ASCC3: variants seen among roughly 807,000 people sequenced by gnomAD.
ASCC3 encodes the protein ASC-1 complex subunit P200.
ASCC3 carries 158 observed loss-of-function variants against 256.3 expected under a neutral mutation model. That is an observed-to-expected ratio of 0.62 (90% confidence interval 0.54 to 0.70). The LOEUF (loss-of-function observed/expected upper bound fraction) is 0.70, where lower values mean the gene tolerates loss of function less well. Among genes scored for constraint, ASCC3 ranks in the 30% least tolerant of loss-of-function variants. The pLI, the probability that ASCC3 is intolerant of heterozygous loss-of-function variation, is 0.00. For synonymous variants in ASCC3, 948 were observed against 883.4 expected, an observed-to-expected ratio of 1.07 and a Z score of -1.30; for missense variants, 2,259 against 2,626.0, an observed-to-expected ratio of 0.86 and a Z score of 3.05.
intron 36 of ASCC3, among the ~76,000 whole-genome samples, chr6:100,571,845 C>T (rs1770606923): frequency 6.6e-6 from 1 of 152,134 alleles, no homozygotes; most frequent in Non-Finnish European, 1.5e-5. Flanking sequence ...TTCTTCACAG[C>T]AGGTTTGTTT....
rs186471649 is a variant in ASCC3, at chr6:100,620,669, C to T, written c.4785+4523G>A. On this transcript the variant is annotated intron_variant, in intron 30 of 41. Transcript: ENST00000369162. ...GCCAGACACACTGCTTCATAGTTGC[C>T]GGGATAACTGCTGCTGTGCTTCCTC... 1.2e-3 allele frequency among the ~76,000 whole-genome samples: 178 copies of T among 152,142 alleles called. 1 individual carries two copies. The highest frequency in any genetic ancestry group is 4.0e-3 in the African/African-American group (166 of 41,522).
intron 12 of ASCC3, among the ~76,000 whole-genome samples, chr6:100,717,245 GT>G (rs1779128442): frequency 6.6e-6 from 1 of 151,810 alleles, no homozygotes. Context: ...ATAGTACAAG[GT>G]AAAAATGGCT....
intron 24 of ASCC3, among the ~76,000 whole-genome samples, chr6:100,639,806 TAAATTTTCTGAA>T (rs1775025117): frequency 6.6e-6 from 1 of 152,164 alleles, no homozygotes; most frequent in African/African-American, 2.4e-5. Context: ...GTAGGTTTCT[TAAATTTTCTGAA>T]GCACTGAAAA....
At chr6:100,832,000 C>T (rs1477987292) in intron 4 of ASCC3, among the ~76,000 whole-genome samples, 2 of 151,804 alleles carry the variant, frequency 1.3e-5, no homozygotes, top group Non-Finnish European at 2.9e-5. Context: ...GAATTCACCT[C>T]GAATGCAAGA....
At chr6:100,781,202 C>T (rs531871982) in intron 8 of ASCC3, among the ~76,000 whole-genome samples, 192 of 152,148 alleles carry the variant, frequency 1.3e-3, no homozygotes, top group African/African-American at 4.5e-3. Context: ...AGTTAAGATG[C>T]TCCATGTTAA....
chr6:100,521,495 T>C (rs1406698719), intron 37 of ASCC3, among the ~76,000 whole-genome samples: 1 of 152,168 alleles, frequency 6.6e-6, no homozygotes, highest in Non-Finnish European at 1.5e-5. Flanking sequence ...ACATGCTTAG[T>C]TAAGATTGGA....
At chr6:100,548,260 C>A (rs1769092209) in intron 36 of ASCC3, among the ~76,000 whole-genome samples, 1 of 151,764 alleles carries the variant, frequency 6.6e-6, no homozygotes. Context: ...TTAGAGAGTT[C>A]ATTATTTGGA....
chr6:100,554,024 T>C (rs904588829), intron 36 of ASCC3, among the ~76,000 whole-genome samples: 3 of 152,314 alleles, frequency 2.0e-5, no homozygotes, highest in South Asian at 4.1e-4. Flanking sequence ...ATATGAGATA[T>C]GCCTTTCAGC....
chr6:100,783,574 C>T (rs935422682), intron 8 of ASCC3, among the ~76,000 whole-genome samples: 2 of 152,134 alleles, frequency 1.3e-5, no homozygotes, highest in African/African-American at 4.8e-5. Flanking sequence ...TACCAGAAAC[C>T]CATTTCATGA....
intron 36 of ASCC3, among the ~76,000 whole-genome samples, chr6:100,566,149 A>G (rs1770235357): frequency 6.6e-6 from 1 of 152,198 alleles, no homozygotes; most frequent in Admixed American, 6.5e-5. Flanking sequence ...GTAAGGTCAG[A>G]TATGTTCCAA....
chr6:100,632,182 T>TAAAAAAAAAAAAA (rs35229827), intron 25 of ASCC3, among the ~76,000 whole-genome samples: 7 of 101,992 alleles, frequency 6.9e-5, no homozygotes, highest in African/African-American at 1.1e-4. Flanking sequence ...GCAAACTATC[T>TAAAAAAAAAAAAA]AAAAAAAAAA....
chr6:100,554,474 G>A (rs1053400602), intron 36 of ASCC3, among the ~76,000 whole-genome samples: 25 of 152,276 alleles, frequency 1.6e-4, no homozygotes, highest in African/African-American at 6.0e-4. Context: ...GTACAGTGGG[G>A]ATGGCAGCCT....
At chr6:100,788,053 G>C (rs1043209334) in intron 8 of ASCC3, among the ~76,000 whole-genome samples, 1 of 151,486 alleles carries the variant, frequency 6.6e-6, no homozygotes, top group Admixed American at 6.6e-5. Context: ...CAAAATGGGA[G>C]AAAATATTAC....
chr6:100,558,962 C>T (rs928003824), intron 36 of ASCC3, among the ~76,000 whole-genome samples: 5 of 152,056 alleles, frequency 3.3e-5, no homozygotes, highest in Non-Finnish European at 7.4e-5. Flanking sequence ...TTGAGATATA[C>T]ATTGAGAATT....
At chr6:100,760,909 G>A (rs1336232979) in intron 10 of ASCC3, among the ~76,000 whole-genome samples, 1 of 152,080 alleles carries the variant, frequency 6.6e-6, no homozygotes, top group Non-Finnish European at 1.5e-5. Context: ...AAAACATGAC[G>A]GGTTGAAGAA....
At chr6:100,684,486 T>C (rs1029458337) in intron 13 of ASCC3, among the ~76,000 whole-genome samples, 4 of 152,164 alleles carry the variant, frequency 2.6e-5, no homozygotes, top group African/African-American at 4.8e-5. Context: ...GATGCTAATG[T>C]TATTGTCCAG....
intron 11 of ASCC3, among the ~76,000 whole-genome samples, chr6:100,723,890 A>T (rs1458299936): frequency 2.3e-5 from 3 of 132,320 alleles, no homozygotes; most frequent in Non-Finnish European, 4.8e-5. Flanking sequence ...ATATATATAT[A>T]TATATATTTA....
intron 10 of ASCC3, among the ~76,000 whole-genome samples, chr6:100,756,610 C>T (rs1355675705): frequency 6.6e-6 from 1 of 151,984 alleles, no homozygotes; most frequent in East Asian, 1.9e-4. Context: ...TAACGTTATA[C>T]ATGTATATAC....
chr6:100,797,488 A>AC (rs1268957856), intron 8 of ASCC3, among the ~76,000 whole-genome samples: 4 of 148,348 alleles, frequency 2.7e-5, no homozygotes, highest in Non-Finnish European at 6.0e-5. Context: ...GAAAAAAAAA[A>AC]AAAACTTAAA....
Sources: gnomAD v4.1 joint callset for allele counts (sites outside exome capture counted in the v4.1 genomes callset) on GRCh38, gnomAD v4.1.1 for gene constraint, MANE v1.5 for transcripts, NCBI Gene and HGNC (gene_info 2026-07-23, HGNC 2026-07-21) for gene names.